FAM20A: variants seen among roughly 807,000 people sequenced by gnomAD.
The protein encoded by FAM20A is FAM20A golgi associated secretory pathway pseudokinase.
FAM20A carries 42 observed loss-of-function variants against 52.0 expected under a neutral mutation model. That is an observed-to-expected ratio of 0.81 (90% CI 0.63 to 1.04). The LOEUF is 1.04. FAM20A is among the 50% of genes least tolerant of loss of function. FAM20A has a pLI of 0.00. For missense variants in FAM20A, 742 were observed against 712.7 expected (o/e 1.04, Z -0.47); for synonymous variants, 304 against 298.9 (o/e 1.02, Z -0.18).
chr17:68,547,593 G>A (rs1187361408), intron 4 of FAM20A, among the ~76,000 whole-genome samples: 1 of 152,206 alleles, frequency 6.6e-6, no homozygotes, highest in Non-Finnish European at 1.5e-5. Flanking sequence ...CCTTAAGCCT[G>A]GTGAACTAAC....
chr17:68,570,640 C>T lies in FAM20A; in HGVS notation c.405-14897G>A, dbSNP rs1001076969. Among the ~76,000 whole-genome samples, 3 of 152,294 alleles carry T rather than the reference C, an allele frequency of 2.0e-5. No homozygotes were observed. In the South Asian group the frequency reaches 6.2e-4, roughly 32 times the overall value. ...TTGTCACATCTTAAATTTCCTGGGG[C>T]TTTCCTGAGTTAGGATGAACCGAAA... On this transcript the variant is annotated intron_variant, in intron 1 of 10. Transcript: ENST00000592554.
At chr17:68,587,127 A>G (rs934285787) in intron 1 of FAM20A, among the ~76,000 whole-genome samples, 4 of 152,098 alleles carry the variant, frequency 2.6e-5, no homozygotes, top group Non-Finnish European at 4.4e-5. Context: ...AACTCTTGAC[A>G]CTTCAGGTGA....
At chr17:68,573,949 A>T (rs147749661) in intron 1 of FAM20A, among the ~76,000 whole-genome samples, 1 of 152,070 alleles carries the variant, frequency 6.6e-6, no homozygotes, top group Non-Finnish European at 1.5e-5. Flanking sequence ...AAGTGCTAGG[A>T]TTACAGGTGT....
intron 1 of FAM20A, among the ~76,000 whole-genome samples, chr17:68,599,657 A>G (rs1161224913): frequency 6.6e-6 from 1 of 152,174 alleles, no homozygotes; most frequent in Non-Finnish European, 1.5e-5. Flanking sequence ...AATGTGAACA[A>G]TGGGGTGGCT....
intron 1 of FAM20A, among the ~76,000 whole-genome samples, chr17:68,599,552 C>T (rs1301213640): frequency 6.6e-6 from 1 of 152,194 alleles, no homozygotes; most frequent in African/African-American, 2.4e-5. Context: ...CATCAAGCCG[C>T]AGATCCAAGT....
chr17:68,589,099 C>G (rs901388346), intron 1 of FAM20A, among the ~76,000 whole-genome samples: 16 of 152,186 alleles, frequency 1.1e-4, no homozygotes, highest in Non-Finnish European at 1.2e-4. Context: ...AGGTTCTGGC[C>G]TGTACTTCAA....
intron 1 of FAM20A, among the ~76,000 whole-genome samples, chr17:68,565,771 CTT>C (rs983860638): frequency 2.0e-5 from 3 of 152,120 alleles, no homozygotes; most frequent in African/African-American, 7.2e-5. Context: ...GGAATAGTCT[CTT>C]TACTGATATT....
chr17:68,585,227 C>T (rs899384641), intron 1 of FAM20A, among the ~76,000 whole-genome samples: 4 of 152,154 alleles, frequency 2.6e-5, no homozygotes, highest in African/African-American at 4.8e-5. Flanking sequence ...TCCTGTTTGA[C>T]TCCATGACTT....
At chr17:68,546,013 C>CA (rs1316333397) in intron 4 of FAM20A, among the ~76,000 whole-genome samples, 4 of 151,750 alleles carry the variant, frequency 2.6e-5, no homozygotes, top group East Asian at 3.9e-4. Flanking sequence ...ACTAAAAATA[C>CA]AAAAAATTAG....
At chr17:68,560,077 G>T (rs760999690) in intron 1 of FAM20A, among the ~76,000 whole-genome samples, 3 of 152,136 alleles carry the variant, frequency 2.0e-5, no homozygotes, top group Non-Finnish European at 4.4e-5. Context: ...GCCCTCATGG[G>T]TGGGATTAGT....
chr17:68,566,929 C>T (rs2087391809), intron 1 of FAM20A, among the ~76,000 whole-genome samples: 1 of 152,212 alleles, frequency 6.6e-6, no homozygotes, highest in Admixed American at 6.5e-5. Context: ...CATCTTCGGT[C>T]ACTTAGTCCG....
chr17:68,601,300 T>G lies in FAM20A; in HGVS notation c.-634A>C. 6.6e-6 allele frequency: 1 copy of G among 152,316 alleles called. No individual in the cohort carries two copies. The highest frequency in any genetic ancestry group is 1.9e-4 in the East Asian group (1 of 5,150). The allele number at this position is 152,316 out of a possible 1,614,324, so 9.4% of individuals were successfully genotyped here. On this transcript the variant is annotated 5_prime_UTR_variant, in exon 1 of 11. Coordinates refer to ENST00000592554, the MANE Select transcript of FAM20A (RefSeq NM_017565.4). Reference sequence around the variant, plus strand: ...AGGTAGCGCGGGGCCTCCCCGAGCCTGGCCTGGCGCCGGCACCCCCACCCA... The same window carrying G: ...AGGTAGCGCGGGGCCTCCCCGAGCCGGGCCTGGCGCCGGCACCCCCACCCA...
At position 68,537,495 on chromosome 17, in the gene FAM20A, C is replaced by T. The variant is rs1487180186; in HGVS notation, c.1608G>A (p.Gln536=). 6.2e-7 allele frequency: 1 copy of T among 1,614,004 alleles called. No homozygotes were observed. The highest frequency in any genetic ancestry group is 2.2e-5 in the East Asian group (1 of 44,864). ...CCAGCCCTTAGCTTGTCAAGTTAGC[C>T]TGGCCAGAGTCTGGGGCCAACTGTT... The part of the protein sequence containing the change: ...PVEQLAPDSG[Q]ANLTS The change falls in exon 11 of 11, where the codon CAG becomes CAA. Residue 536 remains glutamine, a synonymous_variant. Transcript: ENST00000592554. This position sits in a 1 kb window ranked among gnomAD's most constrained non-coding sequence, Gnocchi z 4.2.
intron 4 of FAM20A, chr17:68,551,390 G>A (rs767577449): frequency 3.3e-5 from 11 of 332,396 alleles, no homozygotes; most frequent in Non-Finnish European, 5.4e-5. Flanking sequence ...ATACAAGTCC[G>A]TAAACTTTTT....
rs2086084352 is a variant in FAM20A at position 68,535,906 on chromosome 17, C to T, written c.*1571G>A. 2.2e-6 allele frequency: 1 copy of T among 453,888 alleles called. No homozygotes were observed. Among genetic ancestry groups the T allele is most frequent in the African/African-American group, 2.0e-5 (1 of 49,958 alleles). 28.1% of individuals were successfully genotyped at this position (453,888 alleles called of 1,614,324 possible). A position where few individuals can be genotyped will look rare whatever the true frequency, so the allele number is the denominator to read the frequency against. ...AAGAAGACTTTGGAATAGGTCTAAA[C>T]CACTAAATTGTGTGATTTTGCTTAC... On this transcript the variant is annotated 3_prime_UTR_variant, in exon 11 of 11. Coordinates refer to ENST00000592554, the MANE Select transcript of FAM20A (RefSeq NM_017565.4).
At chr17:68,555,852 T>C in intron 1 of FAM20A, 109 bp from the exon 2 acceptor site, 1 of 1,278,772 alleles carries the variant, frequency 7.8e-7, no homozygotes, top group East Asian at 2.4e-5. Context: ...ACAAGTGTAT[T>C]AAGCATCTAA....
At chr17:68,595,020 T>C (rs779980562) in intron 1 of FAM20A, among the ~76,000 whole-genome samples, 21 of 152,234 alleles carry the variant, frequency 1.4e-4, no homozygotes, top group South Asian at 4.1e-4. Context: ...TGGAAGGCTG[T>C]CTTGGAATTC....
chr17:68,537,618 G>T lies in FAM20A; in HGVS notation c.1485C>A (p.Leu495=). The T allele has an allele frequency of 1.2e-6, 2 of 1,613,808 alleles. No individual in the cohort carries two copies. The stretch of plus-strand genomic sequence containing the variant: ...TTTGGAGCCTTCGATCCAGGGCAAG[G>T]AGGTGGGGTTCAGTGAGGACAGGGC... ...QLSPVLTEPH[L]LALDRRLQTI... Residue 495 remains leucine, a synonymous_variant, in exon 11 of 11, where the codon CTC becomes CTA. Coordinates refer to ENST00000592554, the MANE Select transcript of FAM20A (RefSeq NM_017565.4). This position sits in a 1 kb window ranked among gnomAD's most constrained non-coding sequence, Gnocchi z 4.2.
rs773574430 is a variant in FAM20A at position 68,540,882 on chromosome 17, C to T, written c.1186G>A (p.Val396Ile). 3.1e-6 allele frequency: 5 copies of T among 1,604,874 alleles called. No homozygotes were observed. The highest frequency in any genetic ancestry group is 4.3e-6 in the Non-Finnish European group (5 of 1,175,758). ...AAGTCGAAGATGGCCATGTCGATGA[C>T]ATTGAGGAGCCGCTGGCTGTTGTTG... ...PYNNSQRLLNVIDMAIFDFLI... is the reference protein window; with the variant it reads ...PYNNSQRLLNIIDMAIFDFLI... The change falls in exon 8 of 11, where the codon GTC (valine) becomes ATC (isoleucine). Residue 396 changes from valine (V) to isoleucine (I), a missense_variant. Coordinates refer to ENST00000592554, the MANE Select transcript of FAM20A (RefSeq NM_017565.4).
Sources: gnomAD v4.1 joint callset for allele counts (sites outside exome capture counted in the v4.1 genomes callset) on GRCh38, gnomAD v4.1.1 for gene constraint, Gnocchi (gnomAD v3.1) non-coding constraint, MANE v1.5 for transcripts, NCBI Gene and HGNC (gene_info 2026-07-23, HGNC 2026-07-21) for gene names.